PLG: variants seen among roughly 807,000 people sequenced by gnomAD.
PLG encodes the protein plasminogen, also known as plasmin.
In PLG, 41 loss-of-function variants were observed where a neutral mutation model predicts 104.4. The ratio of observed to expected loss-of-function variants is 0.39; its 90% CI spans 0.31 to 0.51. PLG has a LOEUF of 0.51. Among genes scored for constraint, PLG ranks in the 20% least tolerant of loss-of-function variants. The probability of loss-of-function intolerance (pLI) is 0.76; values close to 1 mark genes in which losing one functional copy is unlikely to be tolerated. For synonymous variants in PLG, 337 were observed against 357.1 expected, an observed-to-expected ratio of 0.94 and a Z score of 0.63; for missense variants, 891 against 1,003.6, an observed-to-expected ratio of 0.89 and a Z score of 1.52.
intron 10 of PLG, among the ~76,000 whole-genome samples, chr6:160,730,468 G>A (rs897078917): frequency 1.3e-5 from 2 of 152,218 alleles, no homozygotes; most frequent in African/African-American, 2.4e-5. Context: ...ATACGGTATT[G>A]ACAGTAACAC....
intron 17 of PLG, among the ~76,000 whole-genome samples, chr6:160,742,814 G>A (rs1279467919): frequency 1.3e-5 from 2 of 152,048 alleles, no homozygotes; most frequent in East Asian, 3.8e-4. Flanking sequence ...ATCTTGAGTT[G>A]ATTTCTGTAT....
rs1328498150 is a variant in PLG, at chr6:160,732,876, C to T, written c.1587+983C>T. Among the ~76,000 whole-genome samples the T allele has an allele frequency of 6.6e-6, 1 of 152,140 alleles. No individual in the cohort carries two copies. Among genetic ancestry groups the T allele is most frequent in the East Asian group, 1.9e-4 (1 of 5,182 alleles). ...CAGAAGCTCTCCAAGTGCAGTCTTG[C>T]TGGGTTTTTATGGAGGCTTCATTAC... is the stretch of plus-strand genomic sequence containing the variant. On this transcript the variant is annotated intron_variant, in intron 12 of 18. Transcript: ENST00000308192. The surrounding 1 kb of genome is among the most constrained non-coding windows in gnomAD (Gnocchi z 4.5).
At chr6:160,711,276 T>A (rs1445822494) in intron 4 of PLG, 85 bp downstream of exon 4, 2 of 1,254,070 alleles carry the variant, frequency 1.6e-6, no homozygotes, top group African/African-American at 3.0e-5. Flanking sequence ...AGGACCCCTG[T>A]GGCTACCAAA....
chr6:160,703,676 A>G (rs1008040057), intron 1 of PLG, among the ~76,000 whole-genome samples: 10 of 152,256 alleles, frequency 6.6e-5, no homozygotes, highest in African/African-American at 2.2e-4. Context: ...ACAGAGCAGG[A>G]GAAAATTAAA....
In PLG at chr6:160,737,947, TC is replaced by T. The variant is rs1173182714; in HGVS notation, c.1803-589del. ...TATCAACATGCTACCATCATGCACTTCCTATCTCTATTCCTCTTCTTTAAAT... is the reference window on the plus strand; with the variant it reads ...TATCAACATGCTACCATCATGCACTTCTATCTCTATTCCTCTTCTTTAAAT... On this transcript the variant is annotated intron_variant, in intron 14 of 18. Transcript: ENST00000308192. The surrounding 1 kb of genome is among the most constrained non-coding windows in gnomAD (Gnocchi z 4.7). 2.0e-5 allele frequency among the ~76,000 whole-genome samples: 3 copies of T among 148,600 alleles called. No individual in the cohort carries two copies. Among genetic ancestry groups the T allele is most frequent in the South Asian group, 2.1e-4 (1 of 4,782 alleles).
chr6:160,743,731 T>G (rs1336979831), intron 17 of PLG, among the ~76,000 whole-genome samples: 5 of 152,248 alleles, frequency 3.3e-5, no homozygotes, highest in African/African-American at 1.2e-4. Flanking sequence ...CATCCTTATC[T>G]TGTGCCAGTT....
At position 160,706,448 on chromosome 6, in the gene PLG, G is replaced by A. The variant is rs2340665; in HGVS notation, c.91G>A (p.Ala31Thr). The change falls in exon 2 of 19, where the codon GCT (alanine) becomes ACT (threonine). Residue 31 changes from alanine (A) to threonine (T), a missense_variant. Around this residue, in one of 2 missense-constraint regions of PLG, gnomAD observed 854 missense variants for 932.1 expected, o/e 0.92. Coordinates refer to ENST00000308192, the MANE Select transcript of PLG (RefSeq NM_000301.5). ...PLDDYVNTQGASLFSVTKKQL... is the reference protein window; with the variant it reads ...PLDDYVNTQGTSLFSVTKKQL... ...GGATGACTATGTGAATACCCAGGGG[G>A]CTTCACTGTTCAGTGTCACTAAGAA... 3 of 1,613,556 alleles carry A rather than the reference G, an allele frequency of 1.9e-6. No individual in the cohort carries two copies. Among genetic ancestry groups the A allele is most frequent in the Non-Finnish European group, 1.7e-6 (2 of 1,179,576 alleles).
chr6:160,716,489 C>T (rs1777733307), intron 6 of PLG, among the ~76,000 whole-genome samples, 156 bp from the exon 7 acceptor site: 1 of 152,192 alleles, frequency 6.6e-6, no homozygotes, highest in South Asian at 2.1e-4. Context: ...ACCTTGTTTC[C>T]TTGTTGCCAT....
chr6:160,706,262 G>C, intron 1 of PLG, 145 bp from the exon 2 acceptor site: 1 of 1,057,910 alleles, frequency 9.5e-7, no homozygotes, highest in South Asian at 1.4e-5. Context: ...TAAACATTTT[G>C]ATTCATAGCT....
chr6:160,707,868 C>A, intron 3 of PLG, 62 bp downstream of exon 3: 1 of 1,116,848 alleles, frequency 9.0e-7, no homozygotes, highest in Non-Finnish European at 1.4e-6. Context: ...CTTCCTCTTT[C>A]TCTATTCTAT....
chr6:160,743,007 G>C (rs941119610), intron 17 of PLG, among the ~76,000 whole-genome samples: 1 of 86,396 alleles, frequency 1.2e-5, no homozygotes. Flanking sequence ...ACTGGTCTAC[G>C]TGTCTTTTTT....
At position 160,735,897 on chromosome 6, in the gene PLG, T is replaced by TA. The variant is rs1778077649; in HGVS notation, c.1682-983dup. Among the ~76,000 whole-genome samples, 1 of 151,494 alleles carries TA rather than the reference T, an allele frequency of 6.6e-6. No homozygotes were observed. The highest frequency in any genetic ancestry group is 1.5e-5 in the Non-Finnish European group (1 of 67,912). On this transcript the variant is annotated intron_variant, in intron 13 of 18. Transcript: ENST00000308192. The surrounding 1 kb of genome is among the most constrained non-coding windows in gnomAD (Gnocchi z 5.4). ...GCATTCTATGCCTTGCTTCTTTTTT[T>TA]AAAAAAAGGCTTCCATAGATAGATT... is the stretch of plus-strand genomic sequence containing the variant.
chr6:160,726,324 A>C lies in PLG; in HGVS notation c.1256+3757A>C, dbSNP rs1471122315. On this transcript the variant is annotated intron_variant, in intron 10 of 18. Coordinates refer to ENST00000308192, the MANE Select transcript of PLG (RefSeq NM_000301.5). This position sits in a 1 kb window ranked among gnomAD's most constrained non-coding sequence, Gnocchi z 4.4. ...TTATCAAATATCTGAAAATGAAACA[A>C]CACATTTCCAAATACTTCATAAGTC... Among the ~76,000 whole-genome samples, 3 of 152,106 alleles carry C rather than the reference A, an allele frequency of 2.0e-5. No homozygotes were observed. Among genetic ancestry groups the C allele is most frequent in the Non-Finnish European group, 4.4e-5 (3 of 67,934 alleles).
intron 17 of PLG, among the ~76,000 whole-genome samples, chr6:160,748,358 A>AAGAAAGAAAGAAAGAAAGAGAGAGAG (rs1562383262): frequency 8.5e-5 from 3 of 35,210 alleles, no homozygotes; most frequent in African/African-American, 2.0e-4. Context: ...AAGAGAAAGA[A>AAGAAAGAAAGAAAGAAAGAGAGAGAG]AGAAAGAAAG....
chr6:160,727,043 C>T (rs549640970), intron 10 of PLG, among the ~76,000 whole-genome samples: 6 of 151,586 alleles, frequency 4.0e-5, no homozygotes, highest in African/African-American at 1.2e-4. Flanking sequence ...CCTAAACTGA[C>T]GACAAAGGAG....
intron 17 of PLG, among the ~76,000 whole-genome samples, chr6:160,742,449 T>C (rs1321963798): frequency 2.0e-5 from 3 of 152,228 alleles, no homozygotes; most frequent in Admixed American, 6.5e-5. Flanking sequence ...CACAGGCATG[T>C]CTTCTTTAGA....
At position 160,718,700 on chromosome 6, in the gene PLG, G is replaced by C. The variant is rs757573859; in HGVS notation, c.958G>C (p.Asp320His). 6.2e-7 allele frequency: 1 copy of C among 1,613,948 alleles called. No individual in the cohort carries two copies. Among genetic ancestry groups the C allele is most frequent in the South Asian group, 1.1e-5 (1 of 91,076 alleles). ...TPENFPCKNL[D>H]ENYCRNPDGK... is the part of the protein sequence containing the mutation. ...CAATCACTTCTTTTTCAGAAATTTG[G>C]ATGAAAACTACTGCCGCAATCCTGA... The change falls in exon 9 of 19, where the codon GAT (aspartate) becomes CAT (histidine). Residue 320 changes from aspartate to histidine, a missense_variant. Asp to His is a moderately conservative substitution (Grantham distance 81). This residue lies in a region of PLG where 854 missense variants were observed against 932.1 expected (regional missense o/e 0.92). Coordinates refer to ENST00000308192, the MANE Select transcript of PLG (RefSeq NM_000301.5).
At chr6:160,751,708 A>G (rs185223794) in intron 17 of PLG, among the ~76,000 whole-genome samples, 4 of 152,350 alleles carry the variant, frequency 2.6e-5, no homozygotes, top group Admixed American at 6.5e-5. Context: ...CTCATGACAC[A>G]ATGATGAGTG....
rs1228502337 is a variant in PLG, at chr6:160,719,372, T to A, written c.1096+534T>A. On this transcript the variant is annotated intron_variant, in intron 9 of 18. Transcript: ENST00000308192. This position sits in a 1 kb window ranked among gnomAD's most constrained non-coding sequence, Gnocchi z 4.1. The stretch of plus-strand genomic sequence containing the variant: ...GGGAATATTTCTTCTTCTGAAGTTC[T>A]GAACTCTCTTTATGGTGATATAAAT... Among the ~76,000 whole-genome samples the A allele has an allele frequency of 6.6e-6, 1 of 152,240 alleles. No homozygotes were observed. The highest frequency in any genetic ancestry group is 2.4e-5 in the African/African-American group (1 of 41,464).
Sources: gnomAD v4.1 joint callset for allele counts (sites outside exome capture counted in the v4.1 genomes callset) on GRCh38, gnomAD v4.1.1 for gene constraint, gnomAD v4.1.1 regional missense constraint, Gnocchi (gnomAD v3.1) non-coding constraint, MANE v1.5 for transcripts, NCBI Gene and HGNC (gene_info 2026-07-23, HGNC 2026-07-21) for gene names.